FAM227B: variants seen among roughly 807,000 people sequenced by gnomAD.
The protein encoded by FAM227B is family with sequence similarity 227 member B, also known as protein FAM227B.
FAM227B carries 88 observed loss-of-function variants against 73.8 expected under a neutral mutation model. The ratio of observed to expected loss-of-function variants is 1.19; its 90% confidence interval spans 1.00 to 1.42. The LOEUF (loss-of-function observed/expected upper bound fraction) is 1.42. FAM227B is among the 40% of genes most tolerant of loss of function. The pLI is 0.00. For synonymous variants in FAM227B, 210 were observed against 190.5 expected, an observed-to-expected ratio of 1.10 and a Z score of -0.84; for missense variants, 632 against 590.9, an observed-to-expected ratio of 1.07 and a Z score of -0.72.
intron 9 of FAM227B, among the ~76,000 whole-genome samples, chr15:49,556,253 T>C (rs552287138): frequency 6.6e-6 from 1 of 152,234 alleles, no homozygotes; most frequent in South Asian, 2.1e-4. Context: ...TTTTCTTTTA[T>C]CTTATTTGAT....
chr15:49,424,557 G>A, intron 11 of FAM227B: 1 of 1,593,692 alleles, frequency 6.3e-7, no homozygotes, highest in Non-Finnish European at 8.6e-7. Context: ...AAAGTAAAAG[G>A]GACCCAAGAG....
rs116368793 is a variant in FAM227B, at chr15:49,544,591, G to A, written c.748-2785C>T. ...CATCCTTGTCTTGTTCCAGTTCTCA[G>A]GGGGCAATGCTTTCAACTTCTCCCC... On this transcript the variant is annotated intron_variant, in intron 9 of 15. Transcript: ENST00000299338. 8.4e-3 allele frequency among the ~76,000 whole-genome samples: 1,276 copies of A among 152,214 alleles called. 32 individuals carry two copies. The highest frequency in any genetic ancestry group is 0.067 in the South Asian group (322 of 4,820).
intron 11 of FAM227B, chr15:49,489,520 T>C (rs1382209251): frequency 2.5e-5 from 5 of 200,164 alleles, no homozygotes; most frequent in South Asian, 1.7e-4. Context: ...TGAAGCAAAT[T>C]ACCCTGCCAT....
intron 11 of FAM227B, among the ~76,000 whole-genome samples, chr15:49,459,221 AGAG>A (rs1567316893): frequency 6.6e-6 from 1 of 152,154 alleles, no homozygotes; most frequent in Non-Finnish European, 1.5e-5. Flanking sequence ...TGTCCTGGCC[AGAG>A]GAGGAGAGAT....
At chr15:49,465,023 G>A (rs926403192) in intron 11 of FAM227B, among the ~76,000 whole-genome samples, 1 of 152,136 alleles carries the variant, frequency 6.6e-6, no homozygotes, top group Admixed American at 6.5e-5. Flanking sequence ...GTCTAGTTAA[G>A]AAACTATAAT....
At chr15:49,605,616 G>C (rs1384787939) in intron 3 of FAM227B, among the ~76,000 whole-genome samples, 2 of 151,824 alleles carry the variant, frequency 1.3e-5, no homozygotes, top group African/African-American at 4.8e-5. Flanking sequence ...AGCAGTCCTG[G>C]AGCCTGGGTC....
At chr15:49,494,256 A>ACACACAC (rs1467706350) in intron 11 of FAM227B, among the ~76,000 whole-genome samples, 1 of 140,606 alleles carries the variant, frequency 7.1e-6, no homozygotes, top group African/African-American at 2.6e-5. Flanking sequence ...GAGACACACA[A>ACACACAC]ACACACACAC....
At chr15:49,515,943 C>G (rs1418795634) in intron 10 of FAM227B, among the ~76,000 whole-genome samples, 1 of 152,068 alleles carries the variant, frequency 6.6e-6, no homozygotes, top group East Asian at 1.9e-4. Flanking sequence ...GGCTATGTTC[C>G]TGTGTCTTGG....
intron 5 of FAM227B, among the ~76,000 whole-genome samples, chr15:49,584,443 G>C (rs536512636): frequency 2.2e-4 from 33 of 152,210 alleles, no homozygotes; most frequent in African/African-American, 7.9e-4. Context: ...CATTCCCCTT[G>C]AAAACTGGCA....
intron 13 of FAM227B, chr15:49,366,652 C>A: frequency 1.3e-6 from 2 of 1,560,440 alleles, no homozygotes; most frequent in South Asian, 2.2e-5. Context: ...GCAGGGCGGC[C>A]GTGGCAGGGG....
At chr15:49,366,321 G>A (rs1257531273) in intron 13 of FAM227B, 1 of 786,524 alleles carries the variant, frequency 1.3e-6, no homozygotes. Context: ...CCTGAGGTAG[G>A]AAATAGGATA....
intron 13 of FAM227B, among the ~76,000 whole-genome samples, chr15:49,363,023 T>C (rs1460208649): frequency 6.6e-6 from 1 of 152,218 alleles, no homozygotes; most frequent in East Asian, 1.9e-4. Context: ...TTGGTTACTG[T>C]AGCCTTGTAG....
chr15:49,503,153 T>C (rs917053009), intron 11 of FAM227B, among the ~76,000 whole-genome samples: 7 of 152,112 alleles, frequency 4.6e-5, no homozygotes, highest in Non-Finnish European at 8.8e-5. Context: ...TTGACAAACC[T>C]GACAAAAACA....
chr15:49,368,296 T>G (rs2045514535), intron 12 of FAM227B, among the ~76,000 whole-genome samples: 1 of 152,280 alleles, frequency 6.6e-6, no homozygotes, highest in East Asian at 1.9e-4. Flanking sequence ...TAGCAACTAC[T>G]AATATTTTAA....
chr15:49,532,353 T>A (rs1485469477), intron 10 of FAM227B, among the ~76,000 whole-genome samples: 1 of 151,868 alleles, frequency 6.6e-6, no homozygotes, highest in East Asian at 1.9e-4. Flanking sequence ...TAGCCTTGAT[T>A]CTTTTATTAC....
chr15:49,596,464 A>G (rs1190743828), intron 3 of FAM227B, among the ~76,000 whole-genome samples: 1 of 142,032 alleles, frequency 7.0e-6, no homozygotes, highest in Non-Finnish European at 1.5e-5. Context: ...GGAGTTCTAA[A>G]TCTTGAAACA....
intron 11 of FAM227B, among the ~76,000 whole-genome samples, chr15:49,384,219 C>T (rs1367195927): frequency 2.6e-5 from 4 of 151,978 alleles, no homozygotes; most frequent in African/African-American, 7.3e-5. Flanking sequence ...ACAGTTCAAG[C>T]CGATTTGTGT....
intron 13 of FAM227B, among the ~76,000 whole-genome samples, chr15:49,359,651 CT>C (rs1008646413): frequency 4.6e-5 from 6 of 131,566 alleles, no homozygotes; most frequent in Non-Finnish European, 1.0e-4. Context: ...GGACTGTAAA[CT>C]AGTTCAACCC....
chr15:49,529,255 T>G (rs1031295622), intron 10 of FAM227B, among the ~76,000 whole-genome samples: 4 of 151,476 alleles, frequency 2.6e-5, no homozygotes, highest in African/African-American at 4.8e-5. Context: ...TTCTCATAAG[T>G]GGGAACTAAA....
Sources: gnomAD v4.1 joint callset for allele counts (sites outside exome capture counted in the v4.1 genomes callset) on GRCh38, gnomAD v4.1.1 for gene constraint, MANE v1.5 for transcripts, NCBI Gene and HGNC (gene_info 2026-07-23, HGNC 2026-07-21) for gene names.